Variants in PTK2 observed in about 807,000 individuals in gnomAD.
The protein encoded by PTK2 is focal adhesion kinase 1.
PTK2 carries 45 observed loss-of-function variants against 150.1 expected under a neutral mutation model. The observed-to-expected ratio is 0.30, with a 90% CI of 0.24 to 0.38. The LOEUF (loss-of-function observed/expected upper bound fraction) is 0.38. Among genes scored for constraint, PTK2 ranks in the 10% least tolerant of loss-of-function variants. The pLI is 1.00. For synonymous variants in PTK2, 432 were observed against 449.2 expected (o/e 0.96, Z 0.48); for missense variants, 919 against 1,307.3 (o/e 0.70, Z 4.58).
intron 13 of PTK2, among the ~76,000 whole-genome samples, chr8:140,791,790 A>C (rs1192944512): frequency 6.6e-6 from 1 of 152,234 alleles, no homozygotes; most frequent in Non-Finnish European, 1.5e-5. Context: ...GAATATTGGC[A>C]AAGGCCTTCA....
chr8:140,688,910 G>C (rs1410280297), intron 26 of PTK2, among the ~76,000 whole-genome samples: 4 of 152,288 alleles, frequency 2.6e-5, no homozygotes, highest in South Asian at 2.1e-4. Flanking sequence ...GTCAAACCTA[G>C]AGGCATGCAG....
At chr8:140,768,594 T>A (rs4554515) in intron 14 of PTK2, among the ~76,000 whole-genome samples, 10 of 151,976 alleles carry the variant, frequency 6.6e-5, no homozygotes, top group African/African-American at 2.4e-4. Context: ...TTAGAGTCTC[T>A]CTTAATCCTC....
chr8:140,974,355 T>C (rs915177713), intron 1 of PTK2, among the ~76,000 whole-genome samples: 2 of 152,318 alleles, frequency 1.3e-5, no homozygotes, highest in South Asian at 2.1e-4. Flanking sequence ...CCATCTCTCA[T>C]AGCCACATGA....
At chr8:140,999,173 A>G (rs930442459) in intron 1 of PTK2, among the ~76,000 whole-genome samples, 7 of 152,158 alleles carry the variant, frequency 4.6e-5, no homozygotes, top group Non-Finnish European at 8.8e-5. Flanking sequence ...TTTGATTTCC[A>G]TGTCTTTATT....
chr8:140,947,432 T>C (rs930083249), intron 1 of PTK2, among the ~76,000 whole-genome samples: 2 of 152,160 alleles, frequency 1.3e-5, no homozygotes, highest in South Asian at 4.1e-4. Flanking sequence ...AGCACCAAAG[T>C]CTGAACTCGA....
At chr8:140,815,224 A>G (rs2100103996) in intron 10 of PTK2, among the ~76,000 whole-genome samples, 1 of 140,330 alleles carries the variant, frequency 7.1e-6, no homozygotes, top group Non-Finnish European at 1.6e-5. Context: ...TTATGCAGCC[A>G]AAAAAAAAAA....
chr8:140,853,277 G>T (rs773254901), intron 5 of PTK2, among the ~76,000 whole-genome samples: 7 of 151,104 alleles, frequency 4.6e-5, no homozygotes, highest in Non-Finnish European at 8.8e-5. Flanking sequence ...TGCCATGTTG[G>T]TGTGCTGCAC....
At position 140,783,675 on chromosome 8, in the gene PTK2, A is replaced by G. The variant is rs374950604; in HGVS notation, c.1177+5799T>C. Reference sequence around the variant, plus strand: ...GCTGTTTTAGAATTTGTAATGAAGCAGCTTAATACAAAATACAAATAACAT... The same window carrying G: ...GCTGTTTTAGAATTTGTAATGAAGCGGCTTAATACAAAATACAAATAACAT... On this transcript the variant is annotated intron_variant, in intron 14 of 31. Transcript: ENST00000522684. Among the ~76,000 whole-genome samples the G allele has an allele frequency of 1.4e-4, 21 of 152,360 alleles. No individual in the cohort carries two copies. The East Asian group carries it at 3.5e-3, about 25-fold the overall frequency.
intron 21 of PTK2, among the ~76,000 whole-genome samples, chr8:140,737,498 AACTTT>A (rs1361887577): frequency 1.3e-5 from 2 of 152,360 alleles, no homozygotes; most frequent in East Asian, 3.9e-4. Context: ...GATTCTAGGA[AACTTT>A]ATTAGTTTAT....
At position 140,820,093 on chromosome 8, in the gene PTK2, TTTTTTTTTTTTTTTTTTTTTTTTTTA is replaced by T. The variant is rs1300414093; in HGVS notation, c.649-1099_649-1074del. Among the ~76,000 whole-genome samples, 73 of 68,936 alleles carry T rather than the reference TTTTTTTTTTTTTTTTTTTTTTTTTTA, an allele frequency of 1.1e-3. 2 individuals are homozygous for T. Among genetic ancestry groups the T allele is most frequent in the Admixed American group, 7.1e-3 (46 of 6,474 alleles). The allele number at this position is 68,936 out of a possible 152,430, so 45.2% of individuals were successfully genotyped here. A position where few individuals can be genotyped will look rare whatever the true frequency, so the allele number is the denominator to read the frequency against. On this transcript the variant is annotated intron_variant, in intron 8 of 31. Transcript: ENST00000522684. ...TGACTTTGGTTTTTTTTTTTTTTTT[TTTTTTTTTTTTTTTTTTTTTTTTTTA>T]AATAGGGTCTCACTCTGTCGCCCAG...
At chr8:140,710,391 T>C (rs2100036133) in intron 23 of PTK2, among the ~76,000 whole-genome samples, 1 of 148,292 alleles carries the variant, frequency 6.7e-6, no homozygotes, top group South Asian at 2.1e-4. Flanking sequence ...TACTGAAAGA[T>C]GGGAAGATGG....
At chr8:140,742,908 G>A (rs920046601) in intron 20 of PTK2, among the ~76,000 whole-genome samples, 1 of 152,156 alleles carries the variant, frequency 6.6e-6, no homozygotes, top group African/African-American at 2.4e-5. Context: ...TGTTTCTGGT[G>A]TCAAGTCTAA....
At chr8:140,881,896 A>C (rs1373399819) in intron 3 of PTK2, among the ~76,000 whole-genome samples, 1 of 152,186 alleles carries the variant, frequency 6.6e-6, no homozygotes, top group Non-Finnish European at 1.5e-5. Flanking sequence ...AGAGAATCTT[A>C]TTCCATTCAC....
At chr8:140,741,738 A>G (rs894697203) in intron 20 of PTK2, among the ~76,000 whole-genome samples, 1 of 152,216 alleles carries the variant, frequency 6.6e-6, no homozygotes, top group South Asian at 2.1e-4. Flanking sequence ...ATATGAAAAC[A>G]TTATTCAGTA....
exon 26 of PTK2, chr8:140,700,915 C>G: frequency 6.2e-7 from 1 of 1,614,028 alleles, no homozygotes; most frequent in Non-Finnish European, 8.5e-7. Flanking sequence ...CTTTTTCCAG[C>G]CAGCGCTGAT....
intron 1 of PTK2, among the ~76,000 whole-genome samples, chr8:140,965,590 T>A (rs2100184971): frequency 6.6e-6 from 1 of 152,042 alleles, no homozygotes; most frequent in African/African-American, 2.4e-5. Flanking sequence ...AACAACAATA[T>A]TCTAGGCCAG....
chr8:140,913,326 C>T (rs2100163969), intron 2 of PTK2, among the ~76,000 whole-genome samples: 1 of 147,908 alleles, frequency 6.8e-6, no homozygotes, highest in South Asian at 2.1e-4. Context: ...GACAGAGTCT[C>T]ACTCTGTTGC....
chr8:140,800,328 T>A lies in PTK2; in HGVS notation c.1093+131A>T. On this transcript the variant is annotated intron_variant, in intron 12 of 31. Coordinates refer to ENST00000522684, the Ensembl canonical transcript of PTK2. The stretch of plus-strand genomic sequence containing the variant: ...CCTAGAAAAATAAGTCCTCAGATTA[T>A]ACTGAGCTGAATTATTCATTTGGTC... 8.9e-6 allele frequency: 7 copies of A among 786,530 alleles called. No homozygotes were observed. The South Asian group carries it at 9.0e-5, about 10-fold the overall frequency. 48.7% of individuals were successfully genotyped at this position (786,530 alleles called of 1,614,324 possible). A position where few individuals can be genotyped will look rare whatever the true frequency, so the allele number is the denominator to read the frequency against.
chr8:140,819,087 G>C, intron 8 of PTK2, 67 bp from the exon 9 acceptor site: 2 of 1,511,950 alleles, frequency 1.3e-6, no homozygotes, highest in African/African-American at 1.4e-5. Flanking sequence ...AACAATAATG[G>C]TAAGATTTCT....
Sources: allele counts gnomAD v4.1 joint callset (sites outside exome capture counted in the v4.1 genomes callset), GRCh38; gene constraint gnomAD v4.1.1; transcripts MANE v1.5; gene names NCBI Gene and HGNC (gene_info 2026-07-23, HGNC 2026-07-21).